The following GPR39 variants were observed in gnomAD, a reference collection of about 807,000 sequenced individuals.
The protein encoded by GPR39 is zinc sensing receptor.
GPR39 carries 23 observed loss-of-function variants against 18.4 expected under a neutral mutation model. The ratio of observed to expected loss-of-function variants is 1.25; its 90% CI spans 0.90 to 1.77. GPR39 has a LOEUF of 1.77. GPR39 is among the 40% of genes most tolerant of loss of function. The pLI, the probability that GPR39 is intolerant of heterozygous loss-of-function variation, is 0.00. For missense variants in GPR39, 647 were observed against 602.4 expected, an observed-to-expected ratio of 1.07 and a Z score of -0.78; for synonymous variants, 280 against 257.9, an observed-to-expected ratio of 1.09 and a Z score of -0.82.
At chr2:132,442,928 A>C (rs1296084372) in intron 1 of GPR39, among the ~76,000 whole-genome samples, 1 of 152,206 alleles carries the variant, frequency 6.6e-6, no homozygotes, top group Non-Finnish European at 1.5e-5. Context: ...AGAGGCATGG[A>C]CTGCTATAAT....
At chr2:132,542,065 C>CCTAATCAA (rs1196424115) in intron 1 of GPR39, among the ~76,000 whole-genome samples, 1 of 152,096 alleles carries the variant, frequency 6.6e-6, no homozygotes, top group African/African-American at 2.4e-5. Context: ...GCTCTCAGGA[C>CCTAATCAA]CTAATCAACT....
intron 1 of GPR39, among the ~76,000 whole-genome samples, chr2:132,426,009 T>G (rs1199842437): frequency 6.6e-6 from 1 of 152,246 alleles, no homozygotes; most frequent in Non-Finnish European, 1.5e-5. Context: ...ACTAAATTTT[T>G]GATAATTCAC....
intron 1 of GPR39, among the ~76,000 whole-genome samples, chr2:132,602,927 A>C (rs898910528): frequency 6.6e-6 from 1 of 151,872 alleles, no homozygotes; most frequent in African/African-American, 2.4e-5. Context: ...ACTCTGACAT[A>C]CTGTTGGTGA....
At chr2:132,513,270 C>A (rs1330352022) in intron 1 of GPR39, among the ~76,000 whole-genome samples, 1 of 150,058 alleles carries the variant, frequency 6.7e-6, no homozygotes, top group Non-Finnish European at 1.5e-5. Flanking sequence ...AAAGCCAGTG[C>A]AGAATCAACA....
chr2:132,587,398 T>C (rs1028554082), intron 1 of GPR39, among the ~76,000 whole-genome samples: 2 of 152,248 alleles, frequency 1.3e-5, no homozygotes, highest in Admixed American at 6.5e-5. Flanking sequence ...CAACTGCCTC[T>C]TGGAGCTGGG....
At position 132,572,431 on chromosome 2, in the gene GPR39, C is replaced by G. The variant is rs1680456870; in HGVS notation, c.857-72670C>G. On this transcript the variant is annotated intron_variant, in intron 1 of 1. Transcript: ENST00000329321. ...GATGGGCTCCTCCTTTGTTCCCATC[C>G]CCAGTCCCAACTATCCAGTTCTAGC... 3.3e-5 allele frequency among the ~76,000 whole-genome samples: 5 copies of G among 152,112 alleles called. No homozygotes were observed. The South Asian group carries it at 1.0e-3, about 32-fold the overall frequency.
intron 1 of GPR39, among the ~76,000 whole-genome samples, chr2:132,525,554 T>G (rs1679492997): frequency 6.6e-6 from 1 of 152,212 alleles, no homozygotes; most frequent in South Asian, 2.1e-4. Context: ...TTCAGTTTGA[T>G]GCTTTCCCAC....
At chr2:132,574,021 A>G (rs1046860629) in intron 1 of GPR39, among the ~76,000 whole-genome samples, 1 of 152,244 alleles carries the variant, frequency 6.6e-6, no homozygotes, top group Middle Eastern at 3.2e-3. Context: ...TCAGCTTCAC[A>G]TGCTGATATT....
chr2:132,641,778 A>C (rs1168403245), intron 1 of GPR39, among the ~76,000 whole-genome samples: 1 of 152,180 alleles, frequency 6.6e-6, no homozygotes, highest in Non-Finnish European at 1.5e-5. Flanking sequence ...CACATTCTGT[A>C]TTTCCAGTGA....
intron 1 of GPR39, among the ~76,000 whole-genome samples, chr2:132,440,008 A>G (rs913399617): frequency 2.0e-5 from 3 of 152,152 alleles, no homozygotes; most frequent in Non-Finnish European, 2.9e-5. Context: ...TTCCATCGAA[A>G]CATGACACCT....
chr2:132,488,857 T>C (rs1212574865), intron 1 of GPR39: 1 of 169,666 alleles, frequency 5.9e-6, no homozygotes, highest in African/African-American at 2.4e-5. Flanking sequence ...CACCTCCACT[T>C]CTTCTCCCTG....
intron 1 of GPR39, among the ~76,000 whole-genome samples, chr2:132,637,703 A>G (rs992329383): frequency 1.3e-5 from 2 of 152,234 alleles, no homozygotes; most frequent in Admixed American, 6.5e-5. Flanking sequence ...AGACCTTGTC[A>G]GAGGACATGG....
chr2:132,529,968 A>T (rs1341525582), intron 1 of GPR39, among the ~76,000 whole-genome samples: 1 of 152,232 alleles, frequency 6.6e-6, no homozygotes, highest in East Asian at 1.9e-4. Flanking sequence ...AAAGGAACAC[A>T]GCTCCTCACC....
chr2:132,475,381 A>G (rs940982614), intron 1 of GPR39, among the ~76,000 whole-genome samples: 1 of 151,996 alleles, frequency 6.6e-6, no homozygotes, highest in South Asian at 2.1e-4. Flanking sequence ...TCTGGAGGTC[A>G]TGAGGGGTAG....
intron 1 of GPR39, among the ~76,000 whole-genome samples, chr2:132,512,367 G>A (rs35902910): frequency 0.021 from 3,167 of 152,250 alleles, 52 homozygotes; most frequent in Non-Finnish European, 0.029. Context: ...GGAGAGATGA[G>A]GGCACTGAAA....
At chr2:132,457,806 C>A (rs1680757590) in intron 1 of GPR39, among the ~76,000 whole-genome samples, 1 of 152,246 alleles carries the variant, frequency 6.6e-6, no homozygotes, top group Non-Finnish European at 1.5e-5. Context: ...AGCTTCCCAG[C>A]CACTTTGTTT....
At chr2:132,498,513 T>G (rs747706801) in intron 1 of GPR39, among the ~76,000 whole-genome samples, 2 of 152,206 alleles carry the variant, frequency 1.3e-5, no homozygotes, top group African/African-American at 4.8e-5. Context: ...TTTGCAATTG[T>G]GAATTGTGCT....
At chr2:132,467,581 A>G (rs1384461780) in intron 1 of GPR39, among the ~76,000 whole-genome samples, 1 of 152,246 alleles carries the variant, frequency 6.6e-6, no homozygotes, top group Non-Finnish European at 1.5e-5. Flanking sequence ...AAAAAAGAAA[A>G]GTATTTTTGA....
At chr2:132,616,077 C>A (rs1170364804) in intron 1 of GPR39, among the ~76,000 whole-genome samples, 1 of 152,078 alleles carries the variant, frequency 6.6e-6, no homozygotes, top group East Asian at 1.9e-4. Context: ...CCTACTGAAC[C>A]CTGAAATGTT....
Sources: allele counts gnomAD v4.1 joint callset (sites outside exome capture counted in the v4.1 genomes callset), GRCh38; gene constraint gnomAD v4.1.1; transcripts MANE v1.5; gene names NCBI Gene and HGNC (gene_info 2026-07-23, HGNC 2026-07-21).